GRAMD4: variants seen among roughly 807,000 people sequenced by gnomAD.
The protein encoded by GRAMD4 is GRAM domain containing 4.
Under a neutral mutation model 83.9 loss-of-function variants are expected in GRAMD4, and 25 were observed. That is an observed-to-expected ratio of 0.30 (90% CI 0.22 to 0.42). The LOEUF is 0.42. GRAMD4 is among the 10% of genes least tolerant of loss of function. The probability of loss-of-function intolerance (pLI) is 1.00; values close to 1 mark genes in which losing one functional copy is unlikely to be tolerated. For synonymous variants in GRAMD4, 336 were observed against 320.9 expected (o/e 1.05, Z -0.50); for missense variants, 593 against 788.7 (o/e 0.75, Z 2.97).
At chr22:46,649,092 G>T (rs548930600) in intron 3 of GRAMD4, among the ~76,000 whole-genome samples, 1 of 152,368 alleles carries the variant, frequency 6.6e-6, no homozygotes, top group South Asian at 2.1e-4. Context: ...GCACCACCTT[G>T]CTCCCATTCT....
intron 12 of GRAMD4, 33 bp downstream of exon 12, chr22:46,668,765 G>A (rs768821698): frequency 8.8e-6 from 14 of 1,588,170 alleles, no homozygotes; most frequent in Admixed American, 3.4e-5. Flanking sequence ...GCCCTGCGGC[G>A]CCCGCCCGGC....
chr22:46,636,547 G>A (rs908595837), intron 2 of GRAMD4, among the ~76,000 whole-genome samples: 2 of 152,252 alleles, frequency 1.3e-5, no homozygotes, highest in African/African-American at 4.8e-5. Flanking sequence ...TGATACATGT[G>A]CAAGGAGCCG....
chr22:46,668,146 G>A lies in GRAMD4; in HGVS notation c.909G>A (p.Leu303=). Residue 303 remains leucine, a synonymous_variant, in exon 11 of 19, where the codon CTG becomes CTA. Coordinates refer to ENST00000406902, the MANE Select transcript of GRAMD4 (RefSeq NM_015124.5). The part of the protein sequence containing the change: ...LTVSEKFQLV[L]DVAQKAQNLF... ...TGTCTGAGAAGTTCCAGCTGGTGCT[G>A]GACGTCGCCCAGAAAGCCCAGGTAC... 6.2e-7 allele frequency: 1 copy of A among 1,612,130 alleles called. No homozygotes were observed. The highest frequency in any genetic ancestry group is 1.3e-5 in the African/African-American group (1 of 75,034).
At chr22:46,596,106 G>A (rs899026542) in intron 1 of GRAMD4, among the ~76,000 whole-genome samples, 1 of 152,236 alleles carries the variant, frequency 6.6e-6, no homozygotes, top group Non-Finnish European at 1.5e-5. Context: ...CATAGTTCTG[G>A]ATCAGCACCA....
chr22:46,593,313 G>A (rs1319668724), intron 1 of GRAMD4, among the ~76,000 whole-genome samples: 1 of 152,050 alleles, frequency 6.6e-6, no homozygotes, highest in Admixed American at 6.6e-5. Context: ...TTCCTTGCGG[G>A]CGGCCCTTGT....
intron 1 of GRAMD4, among the ~76,000 whole-genome samples, chr22:46,608,320 TGGCAGGTGGTTACCTG>T (rs2081385010): frequency 6.6e-6 from 1 of 152,230 alleles, no homozygotes; most frequent in African/African-American, 2.4e-5. Context: ...GCACCCCAGC[TGGCAGGTGGTTACCTG>T]GGCAACAGGT....
rs560465836 is a variant in GRAMD4, at chr22:46,673,994, C to T, written c.1384+180C>T. On this transcript the variant is annotated intron_variant, in intron 15 of 18. Coordinates refer to ENST00000406902, the MANE Select transcript of GRAMD4 (RefSeq NM_015124.5). ...GGAGCCAGGGGTCATGAGGACTCTG[C>T]GGGCTACAGGGGAGGAGGGCGTGCC... 7.9e-5 allele frequency among the ~76,000 whole-genome samples: 12 copies of T among 152,332 alleles called. No homozygotes were observed. In the South Asian group the frequency reaches 8.3e-4, roughly 11 times the overall value.
chr22:46,599,067 G>A (rs2147041803), intron 1 of GRAMD4, among the ~76,000 whole-genome samples: 1 of 152,272 alleles, frequency 6.6e-6, no homozygotes, highest in East Asian at 1.9e-4. Context: ...CAGAGGCCGT[G>A]ACAGAGATGG....
At chr22:46,610,856 TA>T (rs1161779420) in intron 1 of GRAMD4, among the ~76,000 whole-genome samples, 10 of 152,322 alleles carry the variant, frequency 6.6e-5, no homozygotes, top group East Asian at 3.9e-4. Flanking sequence ...TACAACACAG[TA>T]GTTTTTGCTT....
In GRAMD4 at chr22:46,672,103, A is replaced by T. The variant is rs557581563; in HGVS notation, c.1085-740A>T. Reference sequence around the variant, plus strand: ...GCACCCGGAGAGACCGGAACTCCTGACAGCTTTTGCTGCCCAGGGGGGTGC... The same window carrying T: ...GCACCCGGAGAGACCGGAACTCCTGTCAGCTTTTGCTGCCCAGGGGGGTGC... On this transcript the variant is annotated intron_variant, in intron 13 of 18. Coordinates refer to ENST00000406902, the MANE Select transcript of GRAMD4 (RefSeq NM_015124.5). This position sits in a 1 kb window ranked among gnomAD's most constrained non-coding sequence, Gnocchi z 4.7. Among the ~76,000 whole-genome samples the T allele has an allele frequency of 7.2e-5, 11 of 152,288 alleles. No homozygotes were observed. In the East Asian group the frequency reaches 2.1e-3, roughly 29 times the overall value.
In GRAMD4 at chr22:46,620,780, T is replaced by G. The variant is rs2081562483; in HGVS notation, c.-50+215T>G. ...CACCTGCGCAGCCCGGGGCCAGGGG[T>G]CCAGTGAGGAAGGGTGGAGGCCTCC... On this transcript the variant is annotated intron_variant, in intron 1 of 18. Coordinates refer to ENST00000406902, the MANE Select transcript of GRAMD4 (RefSeq NM_015124.5). This position sits in a 1 kb window ranked among gnomAD's most constrained non-coding sequence, Gnocchi z 4.7. 6.6e-6 allele frequency among the ~76,000 whole-genome samples: 1 copy of G among 151,166 alleles called. No individual in the cohort carries two copies. Among genetic ancestry groups the G allele is most frequent in the Non-Finnish European group, 1.5e-5 (1 of 67,760 alleles).
Position 46,668,308 on chromosome 22 carries a change from G to T in GRAMD4, c.930+141G>T, listed in dbSNP as rs958972478. 3 of 624,390 alleles carry T rather than the reference G, an allele frequency of 4.8e-6. No individual in the cohort carries two copies. In the African/African-American group the frequency reaches 5.5e-5, roughly 12 times the overall value. The allele number at this position is 624,390 out of a possible 1,614,324, so 38.7% of individuals were successfully genotyped here. Reference sequence around the variant, plus strand: ...GGGCCGTGCCTGACACTGCAGGCCCGGTTTGTCCGCGGTCAGCTGACTTGT... The same window carrying T: ...GGGCCGTGCCTGACACTGCAGGCCCTGTTTGTCCGCGGTCAGCTGACTTGT... On this transcript the variant is annotated intron_variant, in intron 11 of 18. Transcript: ENST00000406902.
At chr22:46,664,982 G>A (rs536342860) in intron 8 of GRAMD4, among the ~76,000 whole-genome samples, 1 of 152,316 alleles carries the variant, frequency 6.6e-6, no homozygotes, top group East Asian at 1.9e-4. Context: ...TGAAGGCTGG[G>A]TGCTGGGACC....
rs2082528671 is a variant in GRAMD4 at position 46,672,706 on chromosome 22, A to T, written c.1085-137A>T. 1.8e-5 allele frequency: 12 copies of T among 664,774 alleles called. No homozygotes were observed. Among genetic ancestry groups the T allele is most frequent in the Middle Eastern group, 3.7e-4 (1 of 2,712 alleles). 41.2% of individuals were successfully genotyped at this position (664,774 alleles called of 1,614,324 possible). A position where few individuals can be genotyped will look rare whatever the true frequency, so the allele number is the denominator to read the frequency against. On this transcript the variant is annotated intron_variant, in intron 13 of 18. Coordinates refer to ENST00000406902, the MANE Select transcript of GRAMD4 (RefSeq NM_015124.5). This position sits in a 1 kb window ranked among gnomAD's most constrained non-coding sequence, Gnocchi z 4.7. The stretch of plus-strand genomic sequence containing the variant: ...GGGTATCCAGGGTGAGGACTGAGCG[A>T]GCAGCTGGACTCTCACATCCAGGCT...
In GRAMD4 at chr22:46,673,771, C is replaced by T; in HGVS notation, c.1341C>T (p.Phe447=). 3 of 1,613,140 alleles carry T rather than the reference C, an allele frequency of 1.9e-6. No individual in the cohort carries two copies. In the African/African-American group the frequency reaches 4.0e-5, roughly 21 times the overall value. The change falls in exon 15 of 19, where the codon TTC becomes TTT. Residue 447 remains phenylalanine (F), a synonymous_variant. Transcript: ENST00000406902. ...GRFHSTKKGN[F]HEIFNLTENE... ...TCCACAGCACCAAGAAGGGCAATTT[C>T]CACGAGATCTTCAATCTGACAGAAA...
intron 10 of GRAMD4, among the ~76,000 whole-genome samples, chr22:46,667,190 C>T (rs900727460): frequency 2.6e-5 from 4 of 152,186 alleles, no homozygotes; most frequent in African/African-American, 7.2e-5. Flanking sequence ...CTGTAGCCCC[C>T]ACAACCTCCC....
In GRAMD4 at chr22:46,674,516, C is replaced by G. The variant is rs546582248; in HGVS notation, c.1385-141C>G. 14 of 708,266 alleles carry G rather than the reference C, an allele frequency of 2.0e-5. No homozygotes were observed. The African/African-American group carries it at 2.1e-4, about 11-fold the overall frequency. The allele number at this position is 708,266 out of a possible 1,614,324, so 43.9% of individuals were successfully genotyped here. A position where few individuals can be genotyped will look rare whatever the true frequency, so the allele number is the denominator to read the frequency against. On this transcript the variant is annotated intron_variant, in intron 15 of 18. Coordinates refer to ENST00000406902, the MANE Select transcript of GRAMD4 (RefSeq NM_015124.5). The stretch of plus-strand genomic sequence containing the variant: ...TGGGGCCACCTCACTCTTGCCGGCG[C>G]GCCTTCCTCTCACTGTGGGTGTGAC...
intron 1 of GRAMD4, among the ~76,000 whole-genome samples, chr22:46,589,758 C>T (rs2081188144): frequency 6.6e-6 from 1 of 152,130 alleles, no homozygotes; most frequent in Non-Finnish European, 1.5e-5. Context: ...TGGCCCAGCC[C>T]ACTCCTCAGG....
upstream of GRAMD4, among the ~76,000 whole-genome samples, chr22:46,619,420 T>C (rs140002871): frequency 3.9e-5 from 6 of 152,234 alleles, no homozygotes; most frequent in East Asian, 1.2e-3. Flanking sequence ...CACCGCAGCC[T>C]CAAACTCCCA....
Sources: gnomAD v4.1 joint callset for allele counts (sites outside exome capture counted in the v4.1 genomes callset) on GRCh38, gnomAD v4.1.1 for gene constraint, Gnocchi (gnomAD v3.1) non-coding constraint, MANE v1.5 for transcripts, NCBI Gene and HGNC (gene_info 2026-07-23, HGNC 2026-07-21) for gene names.